CCM2: variants seen among roughly 807,000 people sequenced by gnomAD.
The protein encoded by CCM2 is CCM2 scaffold protein.
Under a neutral mutation model 44.9 loss-of-function variants are expected in CCM2, and 25 were observed. That is an observed-to-expected ratio of 0.56 (90% confidence interval 0.41 to 0.78). The LOEUF (loss-of-function observed/expected upper bound fraction) is 0.78, where lower values mean the gene tolerates loss of function less well. Ranked by LOEUF, CCM2 falls within the 30% of genes least tolerant of loss-of-function variation. The probability of loss-of-function intolerance (pLI) is 0.00; values close to 1 mark genes in which losing one functional copy is unlikely to be tolerated. For missense variants in CCM2, 481 were observed against 580.6 expected, an observed-to-expected ratio of 0.83 and a Z score of 1.76; for synonymous variants, 219 against 241.1, an observed-to-expected ratio of 0.91 and a Z score of 0.85.
At position 45,059,472 on chromosome 7, in the gene CCM2, C is replaced by G. The variant is rs548076722; in HGVS notation, c.205-4446C>G. ...AAAAACAAAAAATACAGGCTGGGTG[C>G]GGTGGCTCATGCCTGTATTCCCAGC... is the stretch of plus-strand genomic sequence containing the variant. On this transcript the variant is annotated intron_variant, in intron 2 of 9. Coordinates refer to ENST00000258781, the MANE Select transcript of CCM2 (RefSeq NM_031443.4). Among the ~76,000 whole-genome samples the G allele has an allele frequency of 2.9e-3, 438 of 150,034 alleles. 4 individuals are homozygous for G. The highest frequency in any genetic ancestry group is 0.01 in the African/African-American group (426 of 40,864).
At chr7:45,009,507 C>T (rs1278073288) in intron 1 of CCM2, among the ~76,000 whole-genome samples, 3 of 147,086 alleles carry the variant, frequency 2.0e-5, no homozygotes, top group Non-Finnish European at 4.5e-5. Flanking sequence ...TTTGTTCAAG[C>T]GATTCTCCTG....
chr7:45,075,890 C>T lies in CCM2; in HGVS notation c.1168C>T (p.Arg390Trp), dbSNP rs764064114. 26 of 1,613,176 alleles carry T rather than the reference C, an allele frequency of 1.6e-5. No individual in the cohort carries two copies. Among genetic ancestry groups the T allele is most frequent in the Admixed American group, 8.3e-5 (5 of 60,002 alleles). The change falls in exon 10 of 10, where the codon CGG becomes TGG. Residue 390 changes from arginine to tryptophan, a missense_variant. Physicochemically the swap from Arg to Trp is moderately radical, Grantham distance 101. Coordinates refer to ENST00000258781, the MANE Select transcript of CCM2 (RefSeq NM_031443.4). Reference protein sequence around the residue: ...IITDSFGRHRRALSTTSSSTT... With the variant: ...IITDSFGRHRWALSTTSSSTT... ...CACTGACAGCTTTGGCAGGCACCGG[C>T]GGGCCCTGAGCACCACATCCAGTTC...
chr7:45,000,932 A>G (rs1324861043), intron 1 of CCM2, among the ~76,000 whole-genome samples: 1 of 152,250 alleles, frequency 6.6e-6, no homozygotes, highest in Admixed American at 6.5e-5. Context: ...CTTTAATTAC[A>G]GTAAAGGGTT....
chr7:45,043,682 A>G (rs1357212747), intron 2 of CCM2: 2 of 393,074 alleles, frequency 5.1e-6, no homozygotes, highest in East Asian at 1.7e-4. Context: ...CAAATATTTA[A>G]CTTTATTTTT....
chr7:45,037,279 T>C (rs150678466), intron 1 of CCM2, among the ~76,000 whole-genome samples: 100 of 152,130 alleles, frequency 6.6e-4, no homozygotes, highest in African/African-American at 2.1e-3. Context: ...AATCCTCTCT[T>C]GCTCTCTCAC....
At chr7:45,045,607 T>A (rs990139751) in intron 2 of CCM2, among the ~76,000 whole-genome samples, 2 of 152,072 alleles carry the variant, frequency 1.3e-5, no homozygotes, top group African/African-American at 4.8e-5. Context: ...CTGGCTAACA[T>A]GGTGAAACAC....
intron 4 of CCM2, among the ~76,000 whole-genome samples, chr7:45,066,613 G>A (rs1249798535): frequency 6.6e-6 from 1 of 152,218 alleles, no homozygotes; most frequent in Non-Finnish European, 1.5e-5. Flanking sequence ...GAAGTTGGGG[G>A]CCAGGTCTAG....
At chr7:45,075,623 C>T (rs1431060317) in intron 9 of CCM2, among the ~76,000 whole-genome samples, 154 bp from the exon 10 acceptor site, 1 of 152,214 alleles carries the variant, frequency 6.6e-6, no homozygotes, top group African/African-American at 2.4e-5. Context: ...TGATTTCAAC[C>T]AGGATGCTAG....
chr7:45,026,792 G>A (rs1353049615), intron 1 of CCM2, among the ~76,000 whole-genome samples: 2 of 151,778 alleles, frequency 1.3e-5, no homozygotes, highest in Admixed American at 6.6e-5. Flanking sequence ...CAGTAGAGAC[G>A]GGGTTTCACC....
intron 1 of CCM2, among the ~76,000 whole-genome samples, chr7:45,010,545 G>A (rs991517769): frequency 1.3e-5 from 2 of 152,102 alleles, no homozygotes; most frequent in Non-Finnish European, 1.5e-5. Context: ...TGTTTATGCT[G>A]TGATTTGTTT....
intron 7 of CCM2, chr7:45,073,171 C>T: frequency 1.7e-6 from 1 of 576,760 alleles, no homozygotes; most frequent in Non-Finnish European, 3.1e-6. Context: ...ACCTCCCCAA[C>T]CCTGGCTCCT....
intron 1 of CCM2, among the ~76,000 whole-genome samples, chr7:45,018,352 ATTATTTAT>A (rs528589048): frequency 6.6e-6 from 1 of 151,750 alleles, no homozygotes; most frequent in Non-Finnish European, 1.5e-5. Context: ...AGCATTTTTT[ATTATTTAT>A]TTATTTATTT....
chr7:45,075,763 TTG>T lies in CCM2; in HGVS notation c.1055-8_1055-7del, dbSNP rs1293070464. The T allele has an allele frequency of 6.2e-7, 1 of 1,613,482 alleles. No individual in the cohort carries two copies. Among genetic ancestry groups the T allele is most frequent in the East Asian group, 2.2e-5 (1 of 44,872 alleles). ...CGAACTGGAGGTGCCATGCTGGGTG[TTG>T]TGTGTCTGCAGGTCTGAGGCCCTTC... On this transcript the variant is annotated splice_polypyrimidine_tract_variant and intron_variant, in intron 9 of 9. Transcript: ENST00000258781.
intron 2 of CCM2, among the ~76,000 whole-genome samples, chr7:45,053,609 G>A (rs1771327833): frequency 6.6e-6 from 1 of 152,168 alleles, no homozygotes; most frequent in African/African-American, 2.4e-5. Flanking sequence ...GTGCGAGTCA[G>A]TGCTGCTCCC....
intron 1 of CCM2, among the ~76,000 whole-genome samples, chr7:45,007,788 G>A (rs933708395): frequency 6.8e-6 from 1 of 147,626 alleles, no homozygotes; most frequent in Non-Finnish European, 1.5e-5. Context: ...GCCTAAACCC[G>A]TGGTGTCACT....
At chr7:45,015,890 C>A (rs914445320) in intron 1 of CCM2, among the ~76,000 whole-genome samples, 2 of 152,194 alleles carry the variant, frequency 1.3e-5, no homozygotes, top group African/African-American at 4.8e-5. Context: ...ACTGATGCTG[C>A]CCCCACCTCC....
intron 9 of CCM2, among the ~76,000 whole-genome samples, chr7:45,074,907 C>T (rs751080731): frequency 6.6e-6 from 1 of 152,214 alleles, no homozygotes; most frequent in Non-Finnish European, 1.5e-5. Flanking sequence ...GGCCCCACAC[C>T]TCTCAGGGGC....
intron 3 of CCM2, 124 bp from the exon 4 acceptor site, chr7:45,064,339 C>T (rs1459658227): frequency 1.1e-6 from 1 of 943,722 alleles, no homozygotes; most frequent in Non-Finnish European, 1.7e-6. Flanking sequence ...GGGAATAACA[C>T]TGACCTTATT....
At chr7:45,074,517 T>A in intron 9 of CCM2, 109 bp downstream of exon 9, 1 of 867,354 alleles carries the variant, frequency 1.2e-6, no homozygotes, top group Non-Finnish European at 1.9e-6. Context: ...AGGGGCTCCA[T>A]CAGGGATGGG....
Sources: gnomAD v4.1 joint callset for allele counts (sites outside exome capture counted in the v4.1 genomes callset) on GRCh38, gnomAD v4.1.1 for gene constraint, MANE v1.5 for transcripts, NCBI Gene and HGNC (gene_info 2026-07-23, HGNC 2026-07-21) for gene names.